Variants in BIN2 observed in about 807,000 individuals in gnomAD.
BIN2 encodes the protein breast cancer associated protein BRAP1.
Under a neutral mutation model 67.9 loss-of-function variants are expected in BIN2, and 43 were observed. The ratio of observed to expected loss-of-function variants is 0.63; its 90% CI spans 0.50 to 0.82. BIN2 has a LOEUF of 0.82. BIN2 is among the 40% of genes least tolerant of loss of function. The pLI, the probability that BIN2 is intolerant of heterozygous loss-of-function variation, is 0.00. For synonymous variants in BIN2, 244 were observed against 246.8 expected (o/e 0.99, Z 0.11); for missense variants, 581 against 671.6 (o/e 0.87, Z 1.49).
rs1171665939 is a variant in BIN2, at chr12:51,292,357, G to A, written c.762-13C>T. ...GCGCCTGCTGCTGCTAAAAAAGGAA[G>A]GTGTTCAGATTCAGAACGGCTAAAA... On this transcript the variant is annotated splice_polypyrimidine_tract_variant and intron_variant, in intron 9 of 12. Transcript: ENST00000615107. 6.4e-7 allele frequency: 1 copy of A among 1,553,686 alleles called. No individual in the cohort carries two copies. The highest frequency in any genetic ancestry group is 8.6e-7 in the Non-Finnish European group (1 of 1,156,240).
chr12:51,312,261 C>G (rs561607643), intron 2 of BIN2, among the ~76,000 whole-genome samples: 1 of 152,180 alleles, frequency 6.6e-6, no homozygotes, highest in African/African-American at 2.4e-5. Flanking sequence ...GCCATCACAA[C>G]CTTATACAAA....
chr12:51,299,328 G>A (rs757676281), intron 6 of BIN2, 40 bp from the exon 7 acceptor site: 1 of 1,568,600 alleles, frequency 6.4e-7, no homozygotes, highest in Non-Finnish European at 8.8e-7. Flanking sequence ...CCTCAATTCT[G>A]AACCCAGTAC....
At chr12:51,290,637 C>T (rs931275028) in intron 10 of BIN2, among the ~76,000 whole-genome samples, 1 of 150,382 alleles carries the variant, frequency 6.6e-6, no homozygotes, top group Non-Finnish European at 1.5e-5. Flanking sequence ...CCAGCCTGCC[C>T]AACTTGGAGA....
intron 1 of BIN2, among the ~76,000 whole-genome samples, chr12:51,321,777 T>G (rs1036632047): frequency 6.6e-6 from 1 of 152,242 alleles, no homozygotes; most frequent in African/African-American, 2.4e-5. Flanking sequence ...TTTGACACAT[T>G]AGCTATTACT....
At chr12:51,317,484 A>T (rs554377775) in intron 1 of BIN2, among the ~76,000 whole-genome samples, 55 of 151,816 alleles carry the variant, frequency 3.6e-4, no homozygotes, top group Non-Finnish European at 7.4e-4. Context: ...CCTGACCAAC[A>T]TGGTGAAACC....
Position 51,306,231 on chromosome 12 carries a change from G to A in BIN2, c.163-3090C>T, listed in dbSNP as rs374245492. ...GAATGTCAGTTTGAAGGGACATGAG[G>A]ACACAGTCTTAAAGGAGTGAAAGGC... On this transcript the variant is annotated intron_variant, in intron 2 of 12. Transcript: ENST00000615107. Among the ~76,000 whole-genome samples, 466 of 152,292 alleles carry A rather than the reference G, an allele frequency of 3.1e-3. 1 individual carries two copies. Among genetic ancestry groups the A allele is most frequent in the South Asian group, 0.011 (51 of 4,826 alleles).
intron 11 of BIN2, 66 bp from the exon 12 acceptor site, chr12:51,284,853 G>C: frequency 5.2e-6 from 6 of 1,148,318 alleles, no homozygotes; most frequent in Non-Finnish European, 7.9e-6. Context: ...GCATAGAAGT[G>C]TCTTCTGTGC....
In BIN2 at chr12:51,292,152, C is replaced by G; in HGVS notation, c.954G>C (p.Glu318Asp). ...DNSEIKELLE[E>D]EEIEKEGSEA... ...CAGATCCTTCCTTCTCTATTTCCTCCTCTTCTAAGAGCTCCTTGATCTCAG... is the reference window on the plus strand; with the variant it reads ...CAGATCCTTCCTTCTCTATTTCCTCGTCTTCTAAGAGCTCCTTGATCTCAG... Residue 318 changes from glutamate to aspartate, a missense_variant, in exon 10 of 13, where the codon GAG becomes GAC. Coordinates refer to ENST00000615107, the MANE Select transcript of BIN2 (RefSeq NM_016293.4). 6.2e-7 allele frequency: 1 copy of G among 1,614,020 alleles called. No homozygotes were observed. Among genetic ancestry groups the G allele is most frequent in the African/African-American group, 1.3e-5 (1 of 75,002 alleles).
chr12:51,285,479 G>C (rs1304874500), intron 11 of BIN2, among the ~76,000 whole-genome samples: 1 of 151,882 alleles, frequency 6.6e-6, no homozygotes, highest in Non-Finnish European at 1.5e-5. Context: ...TTAAAAAAAA[G>C]AAAGAAAGCC....
rs146608851 is a variant in BIN2, at chr12:51,321,690, C to T, written c.81+2332G>A. ...CTGGGATTACAGGCGTGAGCCACTG[C>T]ACCCCGCTGATAATCACTTTCTTAT... On this transcript the variant is annotated intron_variant, in intron 1 of 12. Transcript: ENST00000615107. Among the ~76,000 whole-genome samples the T allele has an allele frequency of 5.9e-5, 9 of 152,308 alleles. No individual in the cohort carries two copies. In the East Asian group the frequency reaches 1.5e-3, roughly 26 times the overall value.
At chr12:51,322,699 T>A (rs1311572338) in intron 1 of BIN2, 1 of 152,092 alleles carries the variant, frequency 6.6e-6, no homozygotes, top group Non-Finnish European at 1.5e-5. Flanking sequence ...TAGGCCCTGC[T>A]CTCGGGTCTA....
At chr12:51,321,244 G>C (rs1230960253) in intron 1 of BIN2, among the ~76,000 whole-genome samples, 2 of 152,090 alleles carry the variant, frequency 1.3e-5, no homozygotes, top group Non-Finnish European at 2.9e-5. Flanking sequence ...CAGGACACCT[G>C]GGTTTCAGTA....
chr12:51,310,818 T>A (rs1339891926), intron 2 of BIN2, among the ~76,000 whole-genome samples: 3 of 152,180 alleles, frequency 2.0e-5, no homozygotes, highest in African/African-American at 7.2e-5. Flanking sequence ...TGGAGTGCAG[T>A]GGCACAAACA....
At chr12:51,282,428 C>T (rs1410978916) in intron 12 of BIN2, among the ~76,000 whole-genome samples, 1 of 152,140 alleles carries the variant, frequency 6.6e-6, no homozygotes, top group Non-Finnish European at 1.5e-5. Context: ...CATCACAGCA[C>T]AACACATTAC....
upstream of BIN2, chr12:51,324,321 C>CGCGCT: frequency 7.4e-7 from 1 of 1,347,390 alleles, no homozygotes; most frequent in Middle Eastern, 2.7e-4. Flanking sequence ...TACCCTCAGG[C>CGCGCT]AGCGCTCGCT....
intron 2 of BIN2, chr12:51,304,106 G>A (rs565953041): frequency 6.6e-6 from 1 of 152,232 alleles, no homozygotes; most frequent in Non-Finnish European, 1.5e-5. Flanking sequence ...TTAGCTGGGT[G>A]TGGTGGCGCA....
chr12:51,286,330 T>C (rs971765237), intron 11 of BIN2, among the ~76,000 whole-genome samples: 3 of 152,100 alleles, frequency 2.0e-5, no homozygotes, highest in African/African-American at 7.2e-5. Flanking sequence ...AGGAAAAATA[T>C]TTCTCCTTAG....
At chr12:51,321,882 C>T (rs1042864758) in intron 1 of BIN2, among the ~76,000 whole-genome samples, 1 of 152,232 alleles carries the variant, frequency 6.6e-6, no homozygotes, top group African/African-American at 2.4e-5. Flanking sequence ...CCCTCTTTAT[C>T]TTGGTCTCAA....
chr12:51,302,548 A>C, intron 4 of BIN2, 138 bp downstream of exon 4: 1 of 729,708 alleles, frequency 1.4e-6, no homozygotes, highest in Non-Finnish European at 2.3e-6. Context: ...CCTACCACCC[A>C]GTGACTGAGG....
Sources: allele counts gnomAD v4.1 joint callset (sites outside exome capture counted in the v4.1 genomes callset), GRCh38; gene constraint gnomAD v4.1.1; transcripts MANE v1.5; gene names NCBI Gene and HGNC (gene_info 2026-07-23, HGNC 2026-07-21).